RASGEF1A: variants seen among roughly 807,000 people sequenced by gnomAD.
The protein encoded by RASGEF1A is ras-GEF domain-containing family member 1A.
A neutral mutation model predicts 56.4 loss-of-function variants in RASGEF1A; 18 were observed. The ratio of observed to expected loss-of-function variants is 0.32; its 90% CI spans 0.22 to 0.47. The LOEUF (loss-of-function observed/expected upper bound fraction) is 0.47. Among genes scored for constraint, RASGEF1A ranks in the 20% least tolerant of loss-of-function variants. RASGEF1A has a pLI of 1.00. For missense variants in RASGEF1A, 422 were observed against 627.1 expected, an observed-to-expected ratio of 0.67 and a Z score of 3.49; for synonymous variants, 245 against 242.6, an observed-to-expected ratio of 1.01 and a Z score of -0.09.
chr10:43,227,298 C>G (rs1295740944), intron 1 of RASGEF1A, among the ~76,000 whole-genome samples: 6 of 152,322 alleles, frequency 3.9e-5, no homozygotes, highest in African/African-American at 1.4e-4. Context: ...GCCTGCCCCC[C>G]CGACAGATGG....
At chr10:43,209,682 G>GCT (rs1564531677) in intron 1 of RASGEF1A, among the ~76,000 whole-genome samples, 2 of 141,550 alleles carry the variant, frequency 1.4e-5, no homozygotes, top group Non-Finnish European at 3.1e-5. Context: ...AGCTCAGGAA[G>GCT]CCCCCCCACC....
intron 1 of RASGEF1A, among the ~76,000 whole-genome samples, chr10:43,226,112 G>A (rs1201488410): frequency 5.9e-5 from 9 of 152,196 alleles, no homozygotes; most frequent in African/African-American, 1.9e-4. Flanking sequence ...GCCAGGGGCC[G>A]CAGGGCCAGG....
Position 43,196,559 on chromosome 10 carries a change from G to T in RASGEF1A, c.1349-11C>A. The T allele has an allele frequency of 6.2e-7, 1 of 1,612,466 alleles. No individual in the cohort carries two copies. The stretch of plus-strand genomic sequence containing the variant: ...AGGCGACGAAGAGAGCTGAGAGATG[G>T]GAAAGTCCCTCAGAGCCTGTGTCCC... On this transcript the variant is annotated splice_polypyrimidine_tract_variant and intron_variant, in intron 11 of 12. Coordinates refer to ENST00000395810, the MANE Select transcript of RASGEF1A (RefSeq NM_145313.4). The surrounding 1 kb of genome is among the most constrained non-coding windows in gnomAD (Gnocchi z 4.6).
chr10:43,235,900 C>T (rs1415841945), intron 1 of RASGEF1A, among the ~76,000 whole-genome samples: 6 of 152,104 alleles, frequency 3.9e-5, no homozygotes, highest in South Asian at 4.2e-4. Flanking sequence ...GTCACTTCCC[C>T]GAGATGAAGC....
intron 1 of RASGEF1A, among the ~76,000 whole-genome samples, chr10:43,218,484 TCTCAACCCTTGTTCC>T (rs1840165355): frequency 6.6e-6 from 1 of 152,180 alleles, no homozygotes; most frequent in Non-Finnish European, 1.5e-5. Context: ...CCCTCCTCTC[TCTCAACCCTTGTTCC>T]CTCTGCAGCA....
At chr10:43,238,327 T>C (rs146257866) in intron 1 of RASGEF1A, among the ~76,000 whole-genome samples, 2 of 152,298 alleles carry the variant, frequency 1.3e-5, no homozygotes, top group East Asian at 1.9e-4. Flanking sequence ...GGGTTAGCCA[T>C]CGCAGAGTCA....
chr10:43,252,919 C>T (rs992396890), intron 1 of RASGEF1A, among the ~76,000 whole-genome samples: 3 of 152,146 alleles, frequency 2.0e-5, no homozygotes, highest in Admixed American at 2.0e-4. Context: ...ATCGTCCGCA[C>T]CCCACTGGAA....
chr10:43,228,190 T>C (rs1418906551), intron 1 of RASGEF1A, among the ~76,000 whole-genome samples: 1 of 152,162 alleles, frequency 6.6e-6, no homozygotes, highest in Non-Finnish European at 1.5e-5. Flanking sequence ...GGCCCCAACA[T>C]GCAGGCAGCT....
At chr10:43,200,105 C>T in intron 6 of RASGEF1A, 77 bp downstream of exon 6, 1 of 1,247,112 alleles carries the variant, frequency 8.0e-7, no homozygotes, top group South Asian at 1.3e-5. Flanking sequence ...TGAGTGAGGC[C>T]CACACCCACC....
At chr10:43,221,935 C>T (rs1387210455) in intron 1 of RASGEF1A, among the ~76,000 whole-genome samples, 1 of 152,226 alleles carries the variant, frequency 6.6e-6, no homozygotes, top group Admixed American at 6.5e-5. Context: ...CCTTCCTGTC[C>T]GTGTGGCCCG....
At chr10:43,206,444 G>T (rs1209749303) in intron 1 of RASGEF1A, among the ~76,000 whole-genome samples, 1 of 152,252 alleles carries the variant, frequency 6.6e-6, no homozygotes, top group African/African-American at 2.4e-5. Context: ...GCGGTGGGCA[G>T]TCAGGGCTGC....
At chr10:43,226,939 T>C (rs911015989) in intron 1 of RASGEF1A, among the ~76,000 whole-genome samples, 1 of 152,228 alleles carries the variant, frequency 6.6e-6, no homozygotes, top group Non-Finnish European at 1.5e-5. Flanking sequence ...CTCCATGGCA[T>C]GGCATGATCT....
At chr10:43,228,919 G>A (rs762779487) in intron 1 of RASGEF1A, among the ~76,000 whole-genome samples, 10 of 152,250 alleles carry the variant, frequency 6.6e-5, no homozygotes, top group African/African-American at 1.4e-4. Flanking sequence ...TCTTTCACGT[G>A]GCCAGGGCTG....
At chr10:43,228,957 A>G (rs1840320109) in intron 1 of RASGEF1A, among the ~76,000 whole-genome samples, 1 of 152,248 alleles carries the variant, frequency 6.6e-6, no homozygotes, top group Non-Finnish European at 1.5e-5. Flanking sequence ...CGCTGTGGGC[A>G]CTCAGAACCC....
At chr10:43,207,997 C>T (rs1840019691) in intron 1 of RASGEF1A, 1 of 959,028 alleles carries the variant, frequency 1.0e-6, no homozygotes, top group South Asian at 4.8e-5. Context: ...GTATCATTCA[C>T]CTGTGTATCC....
chr10:43,209,692 C>T (rs536026994), intron 1 of RASGEF1A, among the ~76,000 whole-genome samples: 89 of 151,942 alleles, frequency 5.9e-4, no homozygotes, highest in Non-Finnish European at 7.8e-4. Flanking sequence ...GCCCCCCCAC[C>T]AGGGCTAGGC....
intron 2 of RASGEF1A, among the ~76,000 whole-genome samples, chr10:43,205,314 C>T (rs1220155026): frequency 6.6e-6 from 1 of 152,206 alleles, no homozygotes; most frequent in Admixed American, 6.5e-5. Context: ...AGGGAAGGCA[C>T]ACTTGACAAG....
At chr10:43,259,806 T>G (rs998953091) in intron 1 of RASGEF1A, among the ~76,000 whole-genome samples, 1 of 151,766 alleles carries the variant, frequency 6.6e-6, no homozygotes, top group Admixed American at 6.6e-5. Context: ...ACTGGGGCCA[T>G]CCAGCTGAGC....
intron 1 of RASGEF1A, among the ~76,000 whole-genome samples, chr10:43,227,768 G>C (rs1840299926): frequency 6.6e-6 from 1 of 152,102 alleles, no homozygotes; most frequent in Non-Finnish European, 1.5e-5. Flanking sequence ...AACTGTCCCT[G>C]CTCCCACCTG....
Sources: allele counts gnomAD v4.1 joint callset (sites outside exome capture counted in the v4.1 genomes callset), GRCh38; gene constraint gnomAD v4.1.1; non-coding constraint Gnocchi (gnomAD v3.1); transcripts MANE v1.5; gene names NCBI Gene and HGNC (gene_info 2026-07-23, HGNC 2026-07-21).